The following ALOX5 variants were observed in gnomAD, a reference collection of about 807,000 sequenced individuals.
ALOX5 encodes polyunsaturated fatty acid 5-lipoxygenase.
A neutral mutation model predicts 87.9 loss-of-function variants in ALOX5; 64 were observed. The observed-to-expected ratio is 0.73, with a 90% CI of 0.60 to 0.90. ALOX5 has a LOEUF of 0.90. ALOX5 is among the 40% of genes least tolerant of loss of function. The pLI is 0.00. For missense variants in ALOX5, 822 were observed against 907.5 expected, an observed-to-expected ratio of 0.91 and a Z score of 1.21; for synonymous variants, 388 against 355.1, an observed-to-expected ratio of 1.09 and a Z score of -1.04.
At chr10:45,391,360 G>T (rs1411094330) in intron 2 of ALOX5, among the ~76,000 whole-genome samples, 1 of 152,218 alleles carries the variant, frequency 6.6e-6, no homozygotes, top group Non-Finnish European at 1.5e-5. Flanking sequence ...CTCCCGAGGT[G>T]CCGGGATTGC....
At chr10:45,382,429 A>G in intron 1 of ALOX5, 54 bp from the exon 2 acceptor site, 1 of 1,594,916 alleles carries the variant, frequency 6.3e-7, no homozygotes, top group Non-Finnish European at 8.6e-7. Flanking sequence ...TAACACCTCC[A>G]GAACAAAGGC....
At chr10:45,377,578 C>T (rs2132665310) in intron 1 of ALOX5, among the ~76,000 whole-genome samples, 1 of 152,182 alleles carries the variant, frequency 6.6e-6, no homozygotes, top group South Asian at 2.1e-4. Context: ...CTCTCTCCGT[C>T]CCTTGTTTTC....
chr10:45,433,773 T>A (rs1252586605), intron 7 of ALOX5, among the ~76,000 whole-genome samples: 3 of 152,118 alleles, frequency 2.0e-5, no homozygotes, highest in East Asian at 1.9e-4. Flanking sequence ...CAGAAAGGAA[T>A]GTTAGCTGTG....
At chr10:45,416,849 G>GA (rs1469569438) in intron 4 of ALOX5, among the ~76,000 whole-genome samples, 1 of 151,556 alleles carries the variant, frequency 6.6e-6, no homozygotes, top group Non-Finnish European at 1.5e-5. Flanking sequence ...TAGTGAGATG[G>GA]ATGGATGGAT....
intron 3 of ALOX5, among the ~76,000 whole-genome samples, chr10:45,400,369 A>C (rs1840656735): frequency 6.6e-6 from 1 of 152,096 alleles, no homozygotes. Context: ...GGAGGTTGAG[A>C]CGGGCAGATC....
intron 1 of ALOX5, among the ~76,000 whole-genome samples, chr10:45,381,391 C>G (rs547900142): frequency 6.6e-6 from 1 of 152,358 alleles, no homozygotes; most frequent in Admixed American, 6.5e-5. Context: ...CTTATTATCC[C>G]CACTGAAAAC....
chr10:45,398,506 G>A (rs1447114749), intron 3 of ALOX5, among the ~76,000 whole-genome samples: 1 of 152,150 alleles, frequency 6.6e-6, no homozygotes, highest in East Asian at 1.9e-4. Context: ...GTGATAAAGT[G>A]ATGTCATCAA....
chr10:45,443,676 GCCCTGGGGTCCTC>G, intron 11 of ALOX5, 39 bp from the exon 12 acceptor site: 1 of 1,593,234 alleles, frequency 6.3e-7, no homozygotes, highest in Non-Finnish European at 8.5e-7. Flanking sequence ...TGGGCGCCGG[GCCCTGGGGTCCTC>G]AGGGACTGGG....
At chr10:45,375,252 C>A (rs1191517532) in intron 1 of ALOX5, among the ~76,000 whole-genome samples, 4 of 152,180 alleles carry the variant, frequency 2.6e-5, no homozygotes, top group African/African-American at 7.2e-5. Context: ...AGGGAGCCCT[C>A]AGCATTTGGA....
chr10:45,407,089 G>T (rs11239516), intron 3 of ALOX5, among the ~76,000 whole-genome samples: 22,921 of 152,016 alleles, frequency 0.15, 1,915 homozygotes, highest in African/African-American at 0.16. Flanking sequence ...TGTGCTTGTC[G>T]TCCTGTCCCC....
chr10:45,442,248 C>T (rs1055722273), intron 9 of ALOX5, among the ~76,000 whole-genome samples: 1 of 152,206 alleles, frequency 6.6e-6, no homozygotes, highest in African/African-American at 2.4e-5. Context: ...CTGCTGCAGA[C>T]AGGCCCCCAT....
intron 1 of ALOX5, among the ~76,000 whole-genome samples, chr10:45,375,158 A>C (rs1368356564): frequency 6.6e-6 from 1 of 152,166 alleles, no homozygotes; most frequent in Non-Finnish European, 1.5e-5. Flanking sequence ...AGGCCAGGAG[A>C]GGCTTTTCCT....
chr10:45,435,126 C>T (rs1465643704), intron 7 of ALOX5, among the ~76,000 whole-genome samples: 1 of 152,112 alleles, frequency 6.6e-6, no homozygotes, highest in African/African-American at 2.4e-5. Context: ...CTCAGTGGTA[C>T]AAGAGCTCAA....
At chr10:45,405,695 C>G (rs1293490162) in intron 3 of ALOX5, among the ~76,000 whole-genome samples, 1 of 151,290 alleles carries the variant, frequency 6.6e-6, no homozygotes, top group Non-Finnish European at 1.5e-5. Flanking sequence ...TTGTCTAATA[C>G]TTTTATAATT....
intron 4 of ALOX5, among the ~76,000 whole-genome samples, chr10:45,419,379 A>G (rs1482293013): frequency 6.6e-6 from 1 of 151,726 alleles, no homozygotes; most frequent in Non-Finnish European, 1.5e-5. Context: ...TTGGGTTGAG[A>G]GCGCTGCGCA....
intron 2 of ALOX5, among the ~76,000 whole-genome samples, chr10:45,385,966 G>T (rs182742963): frequency 3.3e-5 from 5 of 152,244 alleles, no homozygotes; most frequent in Non-Finnish European, 7.4e-5. Context: ...ACTTTGGGTG[G>T]CTAAGGCGGG....
chr10:45,428,775 G>A lies in ALOX5; in HGVS notation c.981+11G>A. ...CCCATTGCCATCCAGGTAGGCTGCT[G>A]GGGGGCACACCTTTCTGAGCAGCTC... is the stretch of plus-strand genomic sequence containing the variant. On this transcript the variant is annotated intron_variant, in intron 7 of 13. Transcript: ENST00000374391. 6.2e-7 allele frequency: 1 copy of A among 1,613,348 alleles called. No homozygotes were observed. The highest frequency in any genetic ancestry group is 1.7e-5 in the Admixed American group (1 of 60,012).
chr10:45,438,141 TTC>T (rs1427757116), intron 7 of ALOX5, among the ~76,000 whole-genome samples: 3 of 151,892 alleles, frequency 2.0e-5, no homozygotes, highest in Admixed American at 2.0e-4. Flanking sequence ...TTTTTTTTTT[TTC>T]ATTTGGATCC....
chr10:45,444,001 TGGAC>T (rs1564452312), intron 12 of ALOX5, 111 bp from the exon 13 acceptor site: 1 of 1,435,088 alleles, frequency 7.0e-7, no homozygotes, highest in East Asian at 2.5e-5. Context: ...GGAAAGAGGA[TGGAC>T]GGACTGCAGG....
Sources: gnomAD v4.1 joint callset for allele counts (sites outside exome capture counted in the v4.1 genomes callset) on GRCh38, gnomAD v4.1.1 for gene constraint, MANE v1.5 for transcripts, NCBI Gene and HGNC (gene_info 2026-07-23, HGNC 2026-07-21) for gene names.